Variants in FGFR3 observed in about 807,000 individuals in gnomAD.
FGFR3 encodes the protein FGFR-3.
In FGFR3, 25 loss-of-function variants were observed where a neutral mutation model predicts 82.9. The observed-to-expected ratio is 0.30, with a 90% CI of 0.22 to 0.42. The LOEUF (loss-of-function observed/expected upper bound fraction) is 0.42. Ranked by LOEUF, FGFR3 falls within the 10% of genes least tolerant of loss-of-function variation. FGFR3 has a pLI of 1.00. For missense variants in FGFR3, 1,026 were observed against 1,161.0 expected (o/e 0.88, Z 1.69); for synonymous variants, 620 against 516.0 (o/e 1.20, Z -2.73).
Position 1,806,682 on chromosome 4 carries a change from C to G in FGFR3, c.2167C>G (p.Leu723Val), listed in dbSNP as rs1283465541. 1 of 1,611,698 alleles carries G rather than the reference C, an allele frequency of 6.2e-7. No homozygotes were observed. Among genetic ancestry groups the G allele is most frequent in the South Asian group, 1.1e-5 (1 of 91,028 alleles). ...MDKPANCTHD[L>V]YMIMRECWHA... ...CAAGCCCGCCAACTGCACACACGAC[C>G]TGTGAGTGGCATCCCTGGCCCTCCA... The change falls in exon 16 of 18, where the codon CTG becomes GTG. Residue 723 changes from leucine to valine, a missense_variant and splice_region_variant. By Grantham distance (32) the Leu-to-Val change is conservative (BLOSUM62 1). Around this residue, in one of 9 missense-constraint regions of FGFR3, gnomAD observed 155 missense variants for 150.2 expected, o/e 1.03. Coordinates refer to ENST00000440486, the MANE Select transcript of FGFR3 (RefSeq NM_000142.5).
Position 1,806,217 on chromosome 4 carries a change from G to A in FGFR3, c.1960-40G>A, listed in dbSNP as rs370680005. On this transcript the variant is annotated intron_variant, in intron 14 of 17. Coordinates refer to ENST00000440486, the MANE Select transcript of FGFR3 (RefSeq NM_000142.5). ...TGCGGGGGTGGGGGTCATGCCAGTA[G>A]GACGCCTGGCGCCAACACCGCCTTC... The A allele has an allele frequency of 3.7e-6, 6 of 1,612,704 alleles. No individual in the cohort carries two copies. The African/African-American group carries it at 6.7e-5, about 18-fold the overall frequency.
rs745907420 is a variant in FGFR3, at chr4:1,794,067, G to T, written c.109+24G>T. On this transcript the variant is annotated intron_variant, in intron 2 of 17. Coordinates refer to ENST00000440486, the MANE Select transcript of FGFR3 (RefSeq NM_000142.5). ...AGGTAAGAAGGGACCCACTAGGCAC[G>T]GGAGAGGCCGGCCCGTGCGGGCAGA... 5.0e-5 allele frequency: 65 copies of T among 1,305,706 alleles called. 1 individual carries two copies. Among genetic ancestry groups the T allele is most frequent in the South Asian group, 7.7e-5 (4 of 51,918 alleles). The allele number at this position is 1,305,706 out of a possible 1,614,324, so 80.9% of individuals were successfully genotyped here. A position where few individuals can be genotyped will look rare whatever the true frequency, so the allele number is the denominator to read the frequency against.
chr4:1,804,652 T>A, intron 9 of FGFR3, 132 bp downstream of exon 9: 1 of 1,432,296 alleles, frequency 7.0e-7, no homozygotes, highest in Non-Finnish European at 9.7e-7. Context: ...TCCTCGTCTC[T>A]GCTCACCATG....
chr4:1,795,234 C>T (rs1298007191), intron 2 of FGFR3, among the ~76,000 whole-genome samples: 6 of 152,142 alleles, frequency 3.9e-5, no homozygotes, highest in Non-Finnish European at 5.9e-5. Flanking sequence ...GCCCCGCTTC[C>T]AGGGGTGCCG....
intron 2 of FGFR3, among the ~76,000 whole-genome samples, chr4:1,795,243 C>G (rs1466990675): frequency 1.3e-5 from 2 of 152,008 alleles, no homozygotes; most frequent in Non-Finnish European, 2.9e-5. Context: ...CCAGGGGTGC[C>G]GGAGGGGCGG....
At chr4:1,802,428 G>T (rs1193072179) in intron 7 of FGFR3, among the ~76,000 whole-genome samples, 1 of 152,222 alleles carries the variant, frequency 6.6e-6, no homozygotes, top group Non-Finnish European at 1.5e-5. Flanking sequence ...GCTGTGTGCA[G>T]TGGGGCCCGA....
At chr4:1,807,034 T>G (rs1577295115) in intron 17 of FGFR3, 82 bp from the exon 18 acceptor site, 1 of 1,551,422 alleles carries the variant, frequency 6.4e-7, no homozygotes, top group Non-Finnish European at 8.7e-7. Flanking sequence ...GGGCGGGCCT[T>G]CTGGGGCACA....
At chr4:1,799,838 C>A (rs1181901109) in intron 4 of FGFR3, 26 bp downstream of exon 4, 1 of 1,610,954 alleles carries the variant, frequency 6.2e-7, no homozygotes, top group Non-Finnish European at 8.5e-7. Context: ...AGGGTTCAGG[C>A]CAGCCGGGGT....
intron 2 of FGFR3, among the ~76,000 whole-genome samples, chr4:1,794,840 C>G (rs1039484774): frequency 6.6e-6 from 1 of 151,658 alleles, no homozygotes; most frequent in Non-Finnish European, 1.5e-5. Flanking sequence ...GAGGGGGGCG[C>G]GCACAGCTCA....
chr4:1,796,211 C>T (rs931934827), intron 2 of FGFR3, among the ~76,000 whole-genome samples: 3 of 152,124 alleles, frequency 2.0e-5, no homozygotes, highest in South Asian at 2.1e-4. Context: ...AGCTCAGGCT[C>T]GGGTGCCCTC....
rs1433089526 is a variant in FGFR3, at chr4:1,793,985, G to A, written c.51G>A (p.Val17=). Residue 17 remains valine, a synonymous_variant, in exon 2 of 18, where the codon GTG becomes GTA. Transcript: ENST00000440486. Reference sequence around the variant, plus strand: ...CGCTCTGCGTGGCCGTGGCCATCGTGGCCGGCGCCTCCTCGGAGTCCTTGG... The same window carrying A: ...CGCTCTGCGTGGCCGTGGCCATCGTAGCCGGCGCCTCCTCGGAGTCCTTGG... ...ALALCVAVAI[V]AGASSESLGT... is the part of the protein sequence containing the mutation. 3 of 1,386,264 alleles carry A rather than the reference G, an allele frequency of 2.2e-6. No homozygotes were observed. The highest frequency in any genetic ancestry group is 3.0e-5 in the African/African-American group (2 of 67,064). The allele number at this position is 1,386,264 out of a possible 1,614,324, so 85.9% of individuals were successfully genotyped here. A position where few individuals can be genotyped will look rare whatever the true frequency, so the allele number is the denominator to read the frequency against.
chr4:1,807,881 G>A lies in FGFR3; in HGVS notation c.*619G>A, dbSNP rs908503996. On this transcript the variant is annotated 3_prime_UTR_variant, in exon 18 of 18. Transcript: ENST00000440486. ...CTAGTGTACATTTCTATAAATAGATGCTGTGTATATGGTATATATACATAT... is the reference window on the plus strand; with the variant it reads ...CTAGTGTACATTTCTATAAATAGATACTGTGTATATGGTATATATACATAT... The A allele has an allele frequency of 4.7e-6, 2 of 423,248 alleles. No homozygotes were observed. Among genetic ancestry groups the A allele is most frequent in the Non-Finnish European group, 9.0e-6 (2 of 223,392 alleles). The allele number at this position is 423,248 out of a possible 1,614,324, so 26.2% of individuals were successfully genotyped here.
chr4:1,803,147 C>T, intron 7 of FGFR3: 2 of 1,376,334 alleles, frequency 1.5e-6, no homozygotes, highest in East Asian at 3.0e-5. Context: ...CCCGCACGCC[C>T]AGCCCTGCTC....
At chr4:1,797,312 A>G (rs1024169078) in intron 2 of FGFR3, among the ~76,000 whole-genome samples, 6 of 152,038 alleles carry the variant, frequency 3.9e-5, no homozygotes, top group African/African-American at 1.4e-4. Flanking sequence ...CCCGTGTCAC[A>G]CTGTCCTTCA....
rs2108752306 is a variant in FGFR3, at chr4:1,794,014, C to T, written c.80C>T (p.Thr27Met). 4 of 1,412,446 alleles carry T rather than the reference C, an allele frequency of 2.8e-6. No homozygotes were observed. Among genetic ancestry groups the T allele is most frequent in the Middle Eastern group, 1.9e-4 (1 of 5,392 alleles). The allele number at this position is 1,412,446 out of a possible 1,614,324, so 87.5% of individuals were successfully genotyped here. A position where few individuals can be genotyped will look rare whatever the true frequency, so the allele number is the denominator to read the frequency against. The change falls in exon 2 of 18, where the codon ACG becomes ATG. Residue 27 changes from threonine (T) to methionine (M), a missense_variant. By Grantham distance (81) the Thr-to-Met change is moderately conservative. Around this residue, in one of 9 missense-constraint regions of FGFR3, gnomAD observed 226 missense variants for 222.0 expected, o/e 1.02. Transcript: ENST00000440486. ...GGCGCCTCCTCGGAGTCCTTGGGGA[C>T]GGAGCAGCGCGTCGTGGGGCGAGCG... ...VAGASSESLG[T>M]EQRVVGRAAE...
rs1298710279 is a variant in FGFR3, at chr4:1,807,837, A to T, written c.*575A>T. On this transcript the variant is annotated 3_prime_UTR_variant, in exon 18 of 18. Transcript: ENST00000440486. Reference sequence around the variant, plus strand: ...AGATGGGAGCCTTTACCTTTTATGCAAAAGGTTTATTCCGGAAACTAGTGT... The same window carrying T: ...AGATGGGAGCCTTTACCTTTTATGCTAAAGGTTTATTCCGGAAACTAGTGT... 1 of 445,036 alleles carries T rather than the reference A, an allele frequency of 2.2e-6. No individual in the cohort carries two copies. The highest frequency in any genetic ancestry group is 4.3e-6 in the Non-Finnish European group (1 of 234,268). The allele number at this position is 445,036 out of a possible 1,614,324, so 27.6% of individuals were successfully genotyped here.
rs1197284080 is a variant in FGFR3, at chr4:1,807,725, C to T, written c.*463C>T. ...GCCCCACATGTCCAGCACCTTGTGC[C>T]TGGGGTGTTAGTGGCACCGCCTCCC... On this transcript the variant is annotated 3_prime_UTR_variant, in exon 18 of 18. Coordinates refer to ENST00000440486, the MANE Select transcript of FGFR3 (RefSeq NM_000142.5). 1 of 607,684 alleles carries T rather than the reference C, an allele frequency of 1.6e-6. No individual in the cohort carries two copies. Among genetic ancestry groups the T allele is most frequent in the Non-Finnish European group, 3.2e-6 (1 of 315,310 alleles). The allele number at this position is 607,684 out of a possible 1,614,324, so 37.6% of individuals were successfully genotyped here.
Position 1,793,989 on chromosome 4 carries a change from GGC to G in FGFR3, c.58_59del (p.Ala20LeufsTer114). The G allele has an allele frequency of 7.2e-7, 1 of 1,386,206 alleles. No homozygotes were observed. Among genetic ancestry groups the G allele is most frequent in the Non-Finnish European group, 9.5e-7 (1 of 1,057,652 alleles). The allele number at this position is 1,386,206 out of a possible 1,614,324, so 85.9% of individuals were successfully genotyped here. A position where few individuals can be genotyped will look rare whatever the true frequency, so the allele number is the denominator to read the frequency against. On this transcript the variant is annotated frameshift_variant, in exon 2 of 18. Transcript: ENST00000440486. LOFTEE classifies it high-confidence loss of function. ...CTGCGTGGCCGTGGCCATCGTGGCC[GGC>G]GCCTCCTCGGAGTCCTTGGGGACGG... ...ALCVAVAIVAGASSESLGTEQ... is the reference protein window; with the variant it reads ...ALCVAVAIVAXASSESLGTEQ...
At chr4:1,805,294 C>A in intron 10 of FGFR3, 61 bp from the exon 11 acceptor site, 1 of 1,600,102 alleles carries the variant, frequency 6.2e-7, no homozygotes, top group Non-Finnish European at 8.5e-7. Context: ...GGGGTGGGGA[C>A]CGTGGTGGGC....
Sources: gnomAD v4.1 joint callset for allele counts (sites outside exome capture counted in the v4.1 genomes callset) on GRCh38, gnomAD v4.1.1 for gene constraint, gnomAD v4.1.1 regional missense constraint, MANE v1.5 for transcripts, NCBI Gene and HGNC (gene_info 2026-07-23, HGNC 2026-07-21) for gene names.